SYNDIG1: variants seen among roughly 807,000 people sequenced by gnomAD.
SYNDIG1 encodes synapse differentiation-inducing gene protein 1.
Under a neutral mutation model 19.4 loss-of-function variants are expected in SYNDIG1, and 9 were observed. The ratio of observed to expected loss-of-function variants is 0.46; its 90% CI spans 0.28 to 0.81. SYNDIG1 has a LOEUF of 0.81. Among genes scored for constraint, SYNDIG1 ranks in the 30% least tolerant of loss-of-function variants. SYNDIG1 has a pLI of 0.12. For missense variants in SYNDIG1, 311 were observed against 343.3 expected, an observed-to-expected ratio of 0.91 and a Z score of 0.74; for synonymous variants, 141 against 145.9, an observed-to-expected ratio of 0.97 and a Z score of 0.24.
At chr20:24,626,207 T>A (rs1185521569) in intron 3 of SYNDIG1, among the ~76,000 whole-genome samples, 3 of 103,048 alleles carry the variant, frequency 2.9e-5, no homozygotes, top group African/African-American at 4.3e-5. Flanking sequence ...GCGGCTGGCC[T>A]GGCGGGGGCT....
chr20:24,480,023 A>G (rs2055753120), intron 1 of SYNDIG1, among the ~76,000 whole-genome samples: 1 of 152,150 alleles, frequency 6.6e-6, no homozygotes, highest in South Asian at 2.1e-4. Context: ...GCACGCACAC[A>G]CATTACATAG....
At chr20:24,491,023 G>A (rs528976934) in intron 1 of SYNDIG1, among the ~76,000 whole-genome samples, 142 of 152,336 alleles carry the variant, frequency 9.3e-4, no homozygotes, top group Non-Finnish European at 1.7e-3. Flanking sequence ...CGTGCGTCTG[G>A]TTGCTGTGGC....
rs373444841 is a variant in SYNDIG1, at chr20:24,597,675, C to T, written c.618+12682C>T. Among the ~76,000 whole-genome samples, 34 of 152,228 alleles carry T rather than the reference C, an allele frequency of 2.2e-4. No homozygotes were observed. The South Asian group carries it at 2.3e-3, about 10-fold the overall frequency. ...AGAACCTGCAGCAAGGTTAGAATTCCGAGGCCTTATTTAGAAGTGTGATTC... is the reference window on the plus strand; with the variant it reads ...AGAACCTGCAGCAAGGTTAGAATTCTGAGGCCTTATTTAGAAGTGTGATTC... On this transcript the variant is annotated intron_variant, in intron 3 of 3. Coordinates refer to ENST00000376862, the MANE Select transcript of SYNDIG1 (RefSeq NM_024893.3).
intron 3 of SYNDIG1, among the ~76,000 whole-genome samples, chr20:24,604,787 A>T (rs1028755921): frequency 1.3e-5 from 2 of 152,058 alleles, no homozygotes; most frequent in African/African-American, 4.8e-5. Flanking sequence ...CTATGGACCC[A>T]CCTCAAATTC....
chr20:24,581,181 G>A (rs572229621), intron 2 of SYNDIG1, among the ~76,000 whole-genome samples: 4 of 152,216 alleles, frequency 2.6e-5, no homozygotes, highest in Non-Finnish European at 5.9e-5. Flanking sequence ...AGCTGGCATC[G>A]GGGATTCCAG....
chr20:24,510,366 C>T (rs1161169213), intron 1 of SYNDIG1, among the ~76,000 whole-genome samples: 1 of 150,450 alleles, frequency 6.6e-6, no homozygotes, highest in East Asian at 1.9e-4. Flanking sequence ...GTCAGGAGTT[C>T]AAGACCAGCC....
At chr20:24,542,698 G>GCTTT (rs1813583406) in intron 1 of SYNDIG1, among the ~76,000 whole-genome samples, 1 of 148,196 alleles carries the variant, frequency 6.7e-6, no homozygotes, top group African/African-American at 2.5e-5. Flanking sequence ...AATGCGATTG[G>GCTTT]GTTTACCTGT....
At chr20:24,481,508 C>T (rs577004920) in intron 1 of SYNDIG1, among the ~76,000 whole-genome samples, 6 of 152,338 alleles carry the variant, frequency 3.9e-5, no homozygotes, top group African/African-American at 9.6e-5. Context: ...CAAGACTGCA[C>T]GATCTCCTGA....
chr20:24,613,403 T>C (rs1312191678), intron 3 of SYNDIG1, among the ~76,000 whole-genome samples: 2 of 152,104 alleles, frequency 1.3e-5, no homozygotes, highest in Non-Finnish European at 2.9e-5. Context: ...CATGCCCAGA[T>C]TTGGTGCAGT....
At chr20:24,558,302 C>T (rs1006239064) in intron 2 of SYNDIG1, among the ~76,000 whole-genome samples, 2 of 152,188 alleles carry the variant, frequency 1.3e-5, no homozygotes, top group African/African-American at 2.4e-5. Context: ...AGTTTCATGT[C>T]CCTCTTTGTG....
chr20:24,471,122 G>A (rs2055435847), intron 1 of SYNDIG1, among the ~76,000 whole-genome samples: 1 of 152,102 alleles, frequency 6.6e-6, no homozygotes, highest in Admixed American at 6.5e-5. Flanking sequence ...TGTGTGTGCT[G>A]CGTAGACCTG....
At chr20:24,651,981 A>G (rs1021730448) in intron 3 of SYNDIG1, among the ~76,000 whole-genome samples, 40 of 152,306 alleles carry the variant, frequency 2.6e-4, no homozygotes, top group Middle Eastern at 3.4e-3. Flanking sequence ...GACCCTGTTA[A>G]TGCCATATGG....
At chr20:24,481,898 C>T (rs528572015) in intron 1 of SYNDIG1, among the ~76,000 whole-genome samples, 1 of 151,924 alleles carries the variant, frequency 6.6e-6, no homozygotes, top group Non-Finnish European at 1.5e-5. Flanking sequence ...TAAATTCAGC[C>T]TGAACATCTT....
At chr20:24,491,046 G>A (rs1279004596) in intron 1 of SYNDIG1, among the ~76,000 whole-genome samples, 2 of 152,210 alleles carry the variant, frequency 1.3e-5, no homozygotes, top group Non-Finnish European at 2.9e-5. Context: ...GTAAGGGTCG[G>A]CCTTTGAGGT....
At position 24,558,146 on chromosome 20, in the gene SYNDIG1, C is replaced by T. The variant is rs552891945; in HGVS notation, c.480+14569C>T. On this transcript the variant is annotated intron_variant, in intron 2 of 3. Transcript: ENST00000376862. ...CTGGATGCAGTGATTTGGTGAGTTT[C>T]GGTTCTTCACTACTTTTTGAAAGGC... 1.5e-4 allele frequency among the ~76,000 whole-genome samples: 23 copies of T among 152,258 alleles called. 1 individual carries two copies. Among genetic ancestry groups the T allele is most frequent in the Admixed American group, 8.5e-4 (13 of 15,298 alleles).
At chr20:24,589,479 T>C (rs2058471891) in intron 3 of SYNDIG1, among the ~76,000 whole-genome samples, 1 of 152,226 alleles carries the variant, frequency 6.6e-6, no homozygotes, top group Non-Finnish European at 1.5e-5. Flanking sequence ...TTGGAAAGGC[T>C]TGCAGGGGAG....
intron 3 of SYNDIG1, among the ~76,000 whole-genome samples, chr20:24,648,018 C>T (rs2059437402): frequency 6.6e-6 from 1 of 152,080 alleles, no homozygotes; most frequent in African/African-American, 2.4e-5. Context: ...GAGAGAACTC[C>T]TGTGTCTTCT....
intron 3 of SYNDIG1, among the ~76,000 whole-genome samples, chr20:24,625,949 GGC>G (rs977834364): frequency 2.0e-5 from 3 of 151,946 alleles, no homozygotes; most frequent in African/African-American, 7.2e-5. Context: ...GCCGGGCAGA[GGC>G]GCCCCTCACC....
At chr20:24,572,508 C>G (rs1176319750) in intron 2 of SYNDIG1, among the ~76,000 whole-genome samples, 1 of 152,200 alleles carries the variant, frequency 6.6e-6, no homozygotes, top group East Asian at 1.9e-4. Context: ...GCCTGGAACT[C>G]TTGAGAGCGT....
Sources: gnomAD v4.1 joint callset for allele counts (sites outside exome capture counted in the v4.1 genomes callset) on GRCh38, gnomAD v4.1.1 for gene constraint, MANE v1.5 for transcripts, NCBI Gene and HGNC (gene_info 2026-07-23, HGNC 2026-07-21) for gene names.